FGF14: variants seen among roughly 807,000 people sequenced by gnomAD.
The protein encoded by FGF14 is fibroblast growth factor homologous factor 4.
A neutral mutation model predicts 25.5 loss-of-function variants in FGF14; 5 were observed. That is an observed-to-expected ratio of 0.20 (90% CI 0.10 to 0.41). FGF14 has a LOEUF of 0.41. FGF14 is among the 10% of genes least tolerant of loss of function. The pLI, the probability that FGF14 is intolerant of heterozygous loss-of-function variation, is 1.00. For missense variants in FGF14, 222 were observed against 320.1 expected (o/e 0.69, Z 2.34); for synonymous variants, 138 against 118.3 (o/e 1.17, Z -1.08).
intron 1 of FGF14, among the ~76,000 whole-genome samples, chr13:102,287,077 T>C (rs748383821): frequency 2.0e-5 from 3 of 151,996 alleles, no homozygotes; most frequent in Non-Finnish European, 4.4e-5. Flanking sequence ...TGTATACATA[T>C]GTAACGAACC....
At chr13:102,106,647 GAAAAGA>G (rs1288073836) in intron 1 of FGF14, among the ~76,000 whole-genome samples, 2 of 151,596 alleles carry the variant, frequency 1.3e-5, no homozygotes, top group East Asian at 3.9e-4. Context: ...AGAAAGAAAA[GAAAAGA>G]AAAAGAACTG....
chr13:101,825,307 T>C (rs1005039009), intron 3 of FGF14, among the ~76,000 whole-genome samples: 3 of 152,170 alleles, frequency 2.0e-5, no homozygotes, highest in African/African-American at 7.2e-5. Flanking sequence ...AGAGTTGAAG[T>C]GTGTGAAGAA....
Position 101,720,768 on chromosome 13 carries a change from A to G in FGF14, c.*2063T>C, listed in dbSNP as rs2139645427. The G allele has an allele frequency of 6.6e-6, 1 of 152,292 alleles. No homozygotes were observed. Among genetic ancestry groups the G allele is most frequent in the South Asian group, 2.1e-4 (1 of 4,832 alleles). The allele number at this position is 152,292 out of a possible 1,614,324, so 9.4% of individuals were successfully genotyped here. A position where few individuals can be genotyped will look rare whatever the true frequency, so the allele number is the denominator to read the frequency against. ...TAAAAACAATAGGCTTCAAGATGAC[A>G]TAACACCAAATCAAAAATGACCAAA... On this transcript the variant is annotated 3_prime_UTR_variant, in exon 5 of 5. Transcript: ENST00000376143.
intron 1 of FGF14, among the ~76,000 whole-genome samples, chr13:101,941,689 C>A (rs2035461437): frequency 1.3e-5 from 2 of 152,130 alleles, no homozygotes; most frequent in African/African-American, 4.8e-5. Flanking sequence ...AAATTAAATT[C>A]TTAGATTACA....
chr13:102,287,570 CTT>C (rs2054168848), intron 1 of FGF14, among the ~76,000 whole-genome samples: 2 of 152,126 alleles, frequency 1.3e-5, no homozygotes, highest in Admixed American at 6.5e-5. Context: ...TACATAGTAA[CTT>C]ATATCTCCAC....
intron 1 of FGF14, among the ~76,000 whole-genome samples, chr13:102,340,604 C>T (rs774629496): frequency 2.5e-4 from 38 of 152,226 alleles, no homozygotes; most frequent in Non-Finnish European, 5.3e-4. Context: ...ATCATATTTC[C>T]TGATTCTGAA....
intron 1 of FGF14, among the ~76,000 whole-genome samples, chr13:102,314,226 C>G (rs1420544653): frequency 6.6e-6 from 1 of 152,172 alleles, no homozygotes; most frequent in Non-Finnish European, 1.5e-5. Context: ...ACCTGATCAT[C>G]TTACAAATTG....
chr13:102,375,630 C>A (rs1170785170), intron 1 of FGF14, among the ~76,000 whole-genome samples: 4 of 152,110 alleles, frequency 2.6e-5, no homozygotes, highest in Non-Finnish European at 4.4e-5. Flanking sequence ...TAAATATAAA[C>A]TTTAGTTCCT....
rs1227086426 is a variant in FGF14 at position 101,820,762 on chromosome 13, ACACACACACCACACAC to A, written c.408+47947_408+47962del. On this transcript the variant is annotated intron_variant, in intron 3 of 4. Transcript: ENST00000376143. Reference sequence around the variant, plus strand: ...AAGCTTATAGCTACAGCTACAGTACACACACACACCACACACCACACACACACACACACACACACAC... The same window carrying A: ...AAGCTTATAGCTACAGCTACAGTACACACACACACACACACACACACACAC... Among the ~76,000 whole-genome samples the A allele has an allele frequency of 3.1e-4, 26 of 82,908 alleles. No individual in the cohort carries two copies. In the South Asian group the frequency reaches 7.8e-3, roughly 25 times the overall value. 54.4% of individuals were successfully genotyped at this position (82,908 alleles called of 152,430 possible).
At chr13:102,331,096 G>C (rs1257221101) in intron 1 of FGF14, among the ~76,000 whole-genome samples, 1 of 152,074 alleles carries the variant, frequency 6.6e-6, no homozygotes, top group Non-Finnish European at 1.5e-5. Context: ...GTAAAATGTG[G>C]ATAATAAAGT....
Position 101,916,669 on chromosome 13 carries a change from G to A in FGF14, c.-24C>T. On this transcript the variant is annotated 5_prime_UTR_variant, in exon 1 of 5. Coordinates refer to ENST00000376143, the MANE Select transcript of FGF14 (RefSeq NM_004115.4). ...ATGGTGGCCCCGGGAACGGGTCCGG[G>A]GAGGGAGGGCGCGGGAGGACGGCGA... The A allele has an allele frequency of 1.3e-6, 2 of 1,499,148 alleles. No individual in the cohort carries two copies. The highest frequency in any genetic ancestry group is 1.8e-6 in the Non-Finnish European group (2 of 1,122,682). The allele number at this position is 1,499,148 out of a possible 1,614,324, so 92.9% of individuals were successfully genotyped here.
At chr13:102,154,654 T>C (rs1594178663) in intron 1 of FGF14, among the ~76,000 whole-genome samples, 1 of 152,036 alleles carries the variant, frequency 6.6e-6, no homozygotes, top group Admixed American at 6.6e-5. Flanking sequence ...AGGATCAAAT[T>C]CACACATAAC....
chr13:102,040,402 A>T lies in FGF14; in HGVS notation c.209-165106T>A, dbSNP rs533059957. On this transcript the variant is annotated intron_variant, in intron 1 of 4. Coordinates refer to the FGF14 transcript ENST00000376131. ...TGCTGATTAAATGTTCAGCAAATTG[A>T]CAGCTATACCGTCAAAAATTTCAGA... is the stretch of plus-strand genomic sequence containing the variant. Among the ~76,000 whole-genome samples, 4 of 152,316 alleles carry T rather than the reference A, an allele frequency of 2.6e-5. No homozygotes were observed. In the South Asian group the frequency reaches 8.3e-4, roughly 32 times the overall value.
upstream of FGF14, among the ~76,000 whole-genome samples, chr13:101,919,493 T>C (rs1390799633): frequency 2.0e-5 from 3 of 151,990 alleles, no homozygotes; most frequent in African/African-American, 7.3e-5. Flanking sequence ...TGCCTCTATT[T>C]TTGCAGGCAT....
chr13:102,167,794 CTT>C (rs11330328), intron 1 of FGF14, among the ~76,000 whole-genome samples: 28,642 of 143,906 alleles, frequency 0.2, 2,924 homozygotes, highest in Admixed American at 0.25. Context: ...CATGCTAGCT[CTT>C]TTTTTTTTTT....
chr13:102,099,313 T>TG (rs1224009085), intron 1 of FGF14, among the ~76,000 whole-genome samples: 1 of 152,142 alleles, frequency 6.6e-6, no homozygotes, highest in Non-Finnish European at 1.5e-5. Flanking sequence ...GCTTGCAAAA[T>TG]GGGGTATTTA....
At chr13:102,210,817 G>A (rs1399004187) in intron 1 of FGF14, among the ~76,000 whole-genome samples, 1 of 152,154 alleles carries the variant, frequency 6.6e-6, no homozygotes, top group Non-Finnish European at 1.5e-5. Context: ...GGGGTTTCAA[G>A]GTAGAGAAAA....
intron 3 of FGF14, among the ~76,000 whole-genome samples, chr13:101,781,622 T>C (rs921017416): frequency 3.3e-5 from 5 of 152,338 alleles, no homozygotes; most frequent in African/African-American, 1.2e-4. Context: ...AGCCTCTGAT[T>C]TTAGAATTTA....
chr13:101,863,772 A>G (rs930259239), intron 3 of FGF14, among the ~76,000 whole-genome samples: 3 of 152,168 alleles, frequency 2.0e-5, no homozygotes, highest in Admixed American at 6.6e-5. Flanking sequence ...ATAAATTTCA[A>G]GAGGAAAATA....
Sources: gnomAD v4.1 joint callset for allele counts (sites outside exome capture counted in the v4.1 genomes callset) on GRCh38, gnomAD v4.1.1 for gene constraint, MANE v1.5 for transcripts, NCBI Gene and HGNC (gene_info 2026-07-23, HGNC 2026-07-21) for gene names.